Variants in GMDS observed in about 807,000 individuals in gnomAD.
The protein encoded by GMDS is GDP-mannose 4,6-dehydratase.
A neutral mutation model predicts 49.9 loss-of-function variants in GMDS; 20 were observed. That is an observed-to-expected ratio of 0.40 (90% CI 0.28 to 0.58). The LOEUF is 0.58. Among genes scored for constraint, GMDS ranks in the 20% least tolerant of loss-of-function variants. The pLI is 0.42. For missense variants in GMDS, 362 were observed against 481.4 expected (o/e 0.75, Z 2.32); for synonymous variants, 177 against 178.6 (o/e 0.99, Z 0.07).
At chr6:1,979,262 G>A (rs1345249665) in intron 4 of GMDS, among the ~76,000 whole-genome samples, 1 of 152,204 alleles carries the variant, frequency 6.6e-6, no homozygotes, top group Non-Finnish European at 1.5e-5. Flanking sequence ...TGAGCTAAGG[G>A]AGCATGTTGT....
intron 1 of GMDS, among the ~76,000 whole-genome samples, chr6:2,202,255 T>C (rs1779577486): frequency 6.7e-6 from 1 of 148,460 alleles, no homozygotes; most frequent in Non-Finnish European, 1.5e-5. Flanking sequence ...GAGCACCACA[T>C]GGACATCCGA....
intron 1 of GMDS, among the ~76,000 whole-genome samples, chr6:2,242,420 C>T (rs1323408507): frequency 6.6e-6 from 1 of 152,064 alleles, no homozygotes; most frequent in East Asian, 1.9e-4. Flanking sequence ...TGTCAAGAAC[C>T]GATGGGAGGG....
In GMDS at chr6:2,055,311, G is replaced by T. The variant is rs73412558; in HGVS notation, c.345+60460C>A. ...CAGAAGACATATATTTCCCTAAAAG[G>T]ATATAAGTCATAAATCTACAGATTC... On this transcript the variant is annotated intron_variant, in intron 4 of 10. Coordinates refer to ENST00000380815, the MANE Select transcript of GMDS (RefSeq NM_001500.4). Among the ~76,000 whole-genome samples the T allele has an allele frequency of 3.8e-3, 573 of 151,998 alleles. 3 individuals carry two copies. Among genetic ancestry groups the T allele is most frequent in the African/African-American group, 0.013 (537 of 41,500 alleles).
At chr6:1,988,320 C>T (rs1235237617) in intron 4 of GMDS, among the ~76,000 whole-genome samples, 9 of 150,270 alleles carry the variant, frequency 6.0e-5, no homozygotes, top group African/African-American at 7.4e-5. Flanking sequence ...TATAAGCCTA[C>T]GTGATTCAGG....
intron 4 of GMDS, among the ~76,000 whole-genome samples, chr6:2,099,975 T>G (rs959716048): frequency 3.4e-4 from 52 of 152,070 alleles, no homozygotes; most frequent in Non-Finnish European, 5.7e-4. Flanking sequence ...CATGAAATTT[T>G]GGGGTTGTAG....
rs565041745 is a variant in GMDS, at chr6:1,998,724, C to T, written c.346-37758G>A. Among the ~76,000 whole-genome samples the T allele has an allele frequency of 7.9e-5, 12 of 152,214 alleles. No homozygotes were observed. The South Asian group carries it at 2.5e-3, about 32-fold the overall frequency. On this transcript the variant is annotated intron_variant, in intron 4 of 10. Coordinates refer to ENST00000380815, the MANE Select transcript of GMDS (RefSeq NM_001500.4). Reference sequence around the variant, plus strand: ...ATCTAAGACGATTTGAAAAATACAGCAGGATGTATATATGCTGTTTGCAAA... The same window carrying T: ...ATCTAAGACGATTTGAAAAATACAGTAGGATGTATATATGCTGTTTGCAAA...
In GMDS at chr6:2,061,164, G is replaced by A. The variant is rs530354291; in HGVS notation, c.345+54607C>T. ...CCAGTGTGGCTGACACCCTGCACCC[G>A]AGGTCATAGAGGAAAAGGACGGGAA... On this transcript the variant is annotated intron_variant, in intron 4 of 10. Transcript: ENST00000380815. 4.6e-5 allele frequency among the ~76,000 whole-genome samples: 7 copies of A among 152,248 alleles called. No homozygotes were observed. In the South Asian group the frequency reaches 1.0e-3, roughly 23 times the overall value.
chr6:1,958,386 A>G (rs898029296), intron 6 of GMDS, among the ~76,000 whole-genome samples: 7 of 152,144 alleles, frequency 4.6e-5, no homozygotes, highest in Non-Finnish European at 8.8e-5. Flanking sequence ...GGCAGGGATT[A>G]CCACGACTGA....
At chr6:1,732,002 G>T (rs1766826690) in intron 8 of GMDS, among the ~76,000 whole-genome samples, 1 of 152,212 alleles carries the variant, frequency 6.6e-6, no homozygotes, top group Non-Finnish European at 1.5e-5. Context: ...GCATCTGTTA[G>T]CTCTACAGTA....
chr6:1,813,772 C>A (rs926956987), intron 7 of GMDS, among the ~76,000 whole-genome samples: 1 of 151,842 alleles, frequency 6.6e-6, no homozygotes, highest in African/African-American at 2.4e-5. Context: ...TTTTTAATTC[C>A]TTTTAGATTT....
chr6:1,696,654 C>T (rs551981324), intron 9 of GMDS, among the ~76,000 whole-genome samples: 36 of 152,146 alleles, frequency 2.4e-4, no homozygotes, highest in Admixed American at 9.8e-4. Context: ...TTCACAGATG[C>T]GGAAAGTGAG....
At chr6:2,039,093 TC>T (rs1190253552) in intron 4 of GMDS, among the ~76,000 whole-genome samples, 19 of 152,284 alleles carry the variant, frequency 1.2e-4, no homozygotes, top group Non-Finnish European at 7.3e-5. Flanking sequence ...GCTCCTAGGC[TC>T]CCAACCTGTA....
At chr6:1,749,972 C>T (rs2113516831) in intron 7 of GMDS, among the ~76,000 whole-genome samples, 2 of 152,258 alleles carry the variant, frequency 1.3e-5, no homozygotes, top group Middle Eastern at 3.4e-3. Context: ...GATGGGACTA[C>T]AGGCATGCAT....
intron 1 of GMDS, among the ~76,000 whole-genome samples, chr6:2,226,803 G>A (rs1372171565): frequency 6.6e-6 from 1 of 152,158 alleles, no homozygotes; most frequent in Admixed American, 6.5e-5. Flanking sequence ...GTGCTAAGCT[G>A]GTTAACTAAC....
At chr6:2,198,295 G>A (rs1022002610) in intron 1 of GMDS, among the ~76,000 whole-genome samples, 9 of 152,164 alleles carry the variant, frequency 5.9e-5, no homozygotes, top group African/African-American at 1.9e-4. Flanking sequence ...AATTCCTGAA[G>A]AAGGGGCTGC....
chr6:1,651,933 G>A (rs1446799038), intron 9 of GMDS, among the ~76,000 whole-genome samples: 5 of 129,946 alleles, frequency 3.8e-5, no homozygotes, highest in South Asian at 2.6e-4. Flanking sequence ...ACACTCAGTC[G>A]GGTGTCTCCT....
At chr6:2,065,145 A>C (rs1581597281) in intron 4 of GMDS, among the ~76,000 whole-genome samples, 1 of 151,962 alleles carries the variant, frequency 6.6e-6, no homozygotes, top group African/African-American at 2.4e-5. Flanking sequence ...ACTGGGAGGC[A>C]CCCCCCAGCA....
chr6:1,943,028 A>G (rs1172083614), intron 6 of GMDS, among the ~76,000 whole-genome samples: 2 of 152,178 alleles, frequency 1.3e-5, no homozygotes, highest in Non-Finnish European at 2.9e-5. Context: ...TGCAACCACA[A>G]GCCTCTTTCT....
chr6:2,079,534 G>A (rs1015853593), intron 4 of GMDS, among the ~76,000 whole-genome samples: 5 of 152,006 alleles, frequency 3.3e-5, no homozygotes, highest in South Asian at 4.1e-4. Context: ...GCAATTTCTG[G>A]GGAAGACTTT....
Sources: gnomAD v4.1 joint callset for allele counts (sites outside exome capture counted in the v4.1 genomes callset) on GRCh38, gnomAD v4.1.1 for gene constraint, MANE v1.5 for transcripts, NCBI Gene and HGNC (gene_info 2026-07-23, HGNC 2026-07-21) for gene names.